MMP20: variants seen among roughly 807,000 people sequenced by gnomAD.
MMP20 encodes matrix metallopeptidase 20.
A neutral mutation model predicts 51.8 loss-of-function variants in MMP20; 50 were observed. The ratio of observed to expected loss-of-function variants is 0.97; its 90% CI spans 0.77 to 1.22. MMP20 has a LOEUF of 1.22. MMP20 is among the 50% of genes most tolerant of loss of function. The probability of loss-of-function intolerance (pLI) is 0.00; values close to 1 mark genes in which losing one functional copy is unlikely to be tolerated. For missense variants in MMP20, 663 were observed against 601.4 expected (o/e 1.10, Z -1.07); for synonymous variants, 244 against 216.2 (o/e 1.13, Z -1.13).
At chr11:102,605,702 T>G (rs1338097292) in intron 6 of MMP20, among the ~76,000 whole-genome samples, 1 of 152,128 alleles carries the variant, frequency 6.6e-6, no homozygotes, top group Non-Finnish European at 1.5e-5. Flanking sequence ...TAAACACTTT[T>G]GCAATAGTGA....
chr11:102,611,690 T>A, intron 3 of MMP20, 65 bp downstream of exon 3: 1 of 1,580,678 alleles, frequency 6.3e-7, no homozygotes, highest in Admixed American at 1.7e-5. Context: ...ATTAAAGATG[T>A]AGAAGGAACA....
chr11:102,597,784 T>A (rs1455969331), intron 6 of MMP20, among the ~76,000 whole-genome samples: 1 of 152,202 alleles, frequency 6.6e-6, no homozygotes, highest in Non-Finnish European at 1.5e-5. Flanking sequence ...TTCTTTTTTT[T>A]GAGATGGAGT....
chr11:102,581,171 C>T (rs1165208784), intron 8 of MMP20, among the ~76,000 whole-genome samples: 2 of 134,052 alleles, frequency 1.5e-5, no homozygotes, highest in African/African-American at 5.6e-5. Context: ...CATGCACACG[C>T]ACACACCACA....
intron 6 of MMP20, among the ~76,000 whole-genome samples, chr11:102,604,428 A>G (rs1319997954): frequency 1.3e-5 from 2 of 152,228 alleles, no homozygotes; most frequent in Non-Finnish European, 2.9e-5. Flanking sequence ...AAAAGAATAA[A>G]TTGGGTTCTC....
chr11:102,622,248 C>T (rs189993651), intron 1 of MMP20, among the ~76,000 whole-genome samples: 95 of 152,176 alleles, frequency 6.2e-4, no homozygotes, highest in Non-Finnish European at 3.7e-4. Flanking sequence ...GCCATTTGTT[C>T]TTTCTTAGCG....
intron 3 of MMP20, among the ~76,000 whole-genome samples, 168 bp from the exon 4 acceptor site, chr11:102,610,198 T>C (rs762677233): frequency 6.6e-6 from 1 of 152,156 alleles, no homozygotes; most frequent in Non-Finnish European, 1.5e-5. Context: ...TAACAGCCCA[T>C]TGAAAAATAA....
At chr11:102,601,144 T>G (rs1474657352) in intron 6 of MMP20, among the ~76,000 whole-genome samples, 3 of 26,152 alleles carry the variant, frequency 1.1e-4, no homozygotes, top group Non-Finnish European at 1.9e-4. Context: ...TTTTTTTTTT[T>G]TTTTTTGAGA....
chr11:102,609,754 G>A (rs1859571323), intron 4 of MMP20, 151 bp downstream of exon 4: 1 of 1,022,038 alleles, frequency 9.8e-7, no homozygotes, highest in Non-Finnish European at 1.5e-6. Context: ...TTTCCCTTAT[G>A]TGATCCCTTT....
Position 102,601,125 on chromosome 11 carries a change from C to CTTTTTTTTTT in MMP20, c.953+5400_953+5409dup, listed in dbSNP as rs1168517234. 1.5e-3 allele frequency among the ~76,000 whole-genome samples: 42 copies of CTTTTTTTTTT among 28,266 alleles called. 8 individuals carry two copies. The highest frequency in any genetic ancestry group is 5.0e-3 in the African/African-American group (29 of 5,852). The allele number at this position is 28,266 out of a possible 152,430, so 18.5% of individuals were successfully genotyped here. A position where few individuals can be genotyped will look rare whatever the true frequency, so the allele number is the denominator to read the frequency against. On this transcript the variant is annotated intron_variant, in intron 6 of 9. Transcript: ENST00000260228. Reference sequence around the variant, plus strand: ...AAATGACCACGAAGTGTCGGCTATTCTTTTTTTTTTTTTTTTTTTTTTTTT... The same window carrying CTTTTTTTTTT: ...AAATGACCACGAAGTGTCGGCTATTCTTTTTTTTTTTTTTTTTTTTTTTTTTTTTTTTTTT...
rs141334366 is a variant in MMP20 at position 102,608,998 on chromosome 11, G to T, written c.750C>A (p.Tyr250Ter). 6.2e-7 allele frequency: 1 copy of T among 1,614,070 alleles called. No homozygotes were observed. The highest frequency in any genetic ancestry group is 8.5e-7 in the Non-Finnish European group (1 of 1,179,922). Residue 250 changes from tyrosine to a stop codon, truncating the protein, a stop_gained, in exon 5 of 10, where the codon TAC becomes TAA. Transcript: ENST00000260228. LOFTEE classifies it high-confidence loss of function. ...PSALMYPTYK[Y>*]KNPYGFHLPK... ...GGAGGTGGAATCCATAGGGATTCTT[G>T]TACTTATAAGTTGGGTACATCAGTG...
intron 3 of MMP20, 134 bp from the exon 4 acceptor site, chr11:102,610,164 A>T: frequency 9.7e-7 from 1 of 1,031,876 alleles, no homozygotes; most frequent in Non-Finnish European, 1.4e-6. Flanking sequence ...ATTTGTTATA[A>T]TGGGAAGTTC....
At chr11:102,604,340 T>A (rs974622463) in intron 6 of MMP20, among the ~76,000 whole-genome samples, 2 of 152,246 alleles carry the variant, frequency 1.3e-5, no homozygotes, top group African/African-American at 4.8e-5. Context: ...CCATTTGGTG[T>A]ACTTTTTGGT....
chr11:102,598,884 C>G (rs1164561718), intron 6 of MMP20, among the ~76,000 whole-genome samples: 4 of 152,152 alleles, frequency 2.6e-5, no homozygotes, highest in Non-Finnish European at 5.9e-5. Flanking sequence ...ATTTGCTGGA[C>G]AATCAAGGCA....
chr11:102,606,467 G>T, intron 6 of MMP20, 68 bp downstream of exon 6: 1 of 1,599,822 alleles, frequency 6.3e-7, no homozygotes, highest in Non-Finnish European at 8.6e-7. Flanking sequence ...ACAAGGACCT[G>T]TGGGACGACG....
intron 1 of MMP20, among the ~76,000 whole-genome samples, chr11:102,618,947 G>A (rs2464351): frequency 0.73 from 110,530 of 151,928 alleles, 40,255 homozygotes; most frequent in Non-Finnish European, 0.75. Context: ...AGAGAAGATC[G>A]CTTTCCCCAT....
intron 6 of MMP20, 141 bp downstream of exon 6, chr11:102,606,394 C>G: frequency 8.8e-7 from 1 of 1,137,792 alleles, no homozygotes; most frequent in Non-Finnish European, 1.3e-6. Flanking sequence ...CCCAAAGACC[C>G]CTGCCTACCA....
At chr11:102,604,467 C>T (rs1177038759) in intron 6 of MMP20, among the ~76,000 whole-genome samples, 3 of 152,042 alleles carry the variant, frequency 2.0e-5, no homozygotes, top group Non-Finnish European at 4.4e-5. Context: ...TATAAGCCTC[C>T]CTGCCATTGT....
rs1466523802 is a variant in MMP20 at position 102,609,858 on chromosome 11, A to G, written c.649+47T>C. 1.9e-6 allele frequency: 3 copies of G among 1,613,336 alleles called. No individual in the cohort carries two copies. In the Admixed American group the frequency reaches 5.0e-5, roughly 27 times the overall value. ...CTCAAGGTTTCATGATGGAGCCCAGAAGAAGGTACAATATTTTCCAGGTTA... is the reference window on the plus strand; with the variant it reads ...CTCAAGGTTTCATGATGGAGCCCAGGAGAAGGTACAATATTTTCCAGGTTA... On this transcript the variant is annotated intron_variant, in intron 4 of 9. Transcript: ENST00000260228.
At chr11:102,625,043 G>T in intron 1 of MMP20, 151 bp downstream of exon 1, 1 of 987,768 alleles carries the variant, frequency 1.0e-6, no homozygotes, top group Non-Finnish European at 1.5e-6. Context: ...ACCAATCTAG[G>T]TGGACAGAAG....
Sources: gnomAD v4.1 joint callset for allele counts (sites outside exome capture counted in the v4.1 genomes callset) on GRCh38, gnomAD v4.1.1 for gene constraint, MANE v1.5 for transcripts, NCBI Gene and HGNC (gene_info 2026-07-23, HGNC 2026-07-21) for gene names.